The following PSMD12 variants were observed in gnomAD, a reference collection of about 807,000 sequenced individuals.
The protein encoded by PSMD12 is 26S proteasome non-ATPase regulatory subunit 12.
Under a neutral mutation model 62.9 loss-of-function variants are expected in PSMD12, and 8 were observed. That is an observed-to-expected ratio of 0.13 (90% CI 0.07 to 0.23). The LOEUF is 0.23. PSMD12 is among the 10% of genes least tolerant of loss of function. The pLI, the probability that PSMD12 is intolerant of heterozygous loss-of-function variation, is 1.00. For missense variants in PSMD12, 424 were observed against 550.2 expected, an observed-to-expected ratio of 0.77 and a Z score of 2.29; for synonymous variants, 173 against 187.4, an observed-to-expected ratio of 0.92 and a Z score of 0.63.
chr17:67,363,526 ATTC>A (rs1472513290), intron 1 of PSMD12, among the ~76,000 whole-genome samples: 1 of 152,222 alleles, frequency 6.6e-6, no homozygotes, highest in Non-Finnish European at 1.5e-5. Flanking sequence ...AAAGAACACT[ATTC>A]TTTTTACCAG....
rs1347695439 is a variant in PSMD12, at chr17:67,347,326, A to C, written c.660+10T>G. The C allele has an allele frequency of 6.2e-7, 1 of 1,613,424 alleles. No individual in the cohort carries two copies. The highest frequency in any genetic ancestry group is 1.1e-5 in the South Asian group (1 of 91,056). On this transcript the variant is annotated intron_variant, in intron 6 of 10. Coordinates refer to ENST00000356126, the MANE Select transcript of PSMD12 (RefSeq NM_002816.5). ...TTTTAAAGTAAACATGTGGTCACAG[A>C]TATGCTCACCTCTGTATTTTCTTCC...
chr17:67,361,101 G>C (rs765689268), intron 1 of PSMD12: 7 of 152,152 alleles, frequency 4.6e-5, no homozygotes, highest in Non-Finnish European at 7.3e-5. Flanking sequence ...CAACCTGTTA[G>C]AACATGTGAC....
intron 1 of PSMD12, among the ~76,000 whole-genome samples, chr17:67,360,237 G>A (rs762286786): frequency 6.6e-6 from 1 of 152,190 alleles, no homozygotes; most frequent in South Asian, 2.1e-4. Context: ...TATTAGTCAC[G>A]TGACTGTGAT....
chr17:67,348,450 G>T, intron 5 of PSMD12, 100 bp downstream of exon 5: 4 of 937,920 alleles, frequency 4.3e-6, no homozygotes, highest in Non-Finnish European at 6.6e-6. Flanking sequence ...ATAATTATTG[G>T]TCCCAAACAT....
intron 7 of PSMD12, 23 bp from the exon 8 acceptor site, chr17:67,345,880 T>C (rs771324464): frequency 6.4e-7 from 1 of 1,563,604 alleles, no homozygotes; most frequent in East Asian, 2.2e-5. Context: ...TACAACAAGT[T>C]ATATGCAAGA....
In PSMD12 at chr17:67,344,466, C is replaced by T. The variant is rs77034158; in HGVS notation, c.1083+140G>A. On this transcript the variant is annotated intron_variant, in intron 9 of 10. Coordinates refer to ENST00000356126, the MANE Select transcript of PSMD12 (RefSeq NM_002816.5). ...AATATCCTAAGTGAAGAATTAAACACATAACATCCTAAATGAACATTTGGT... is the reference window on the plus strand; with the variant it reads ...AATATCCTAAGTGAAGAATTAAACATATAACATCCTAAATGAACATTTGGT... 8.2e-4 allele frequency: 659 copies of T among 801,166 alleles called. 1 individual carries two copies. The highest frequency in any genetic ancestry group is 1.1e-3 in the Non-Finnish European group (588 of 520,090). 49.6% of individuals were successfully genotyped at this position (801,166 alleles called of 1,614,324 possible). A position where few individuals can be genotyped will look rare whatever the true frequency, so the allele number is the denominator to read the frequency against.
At position 67,366,451 on chromosome 17, in the gene PSMD12, C is replaced by T. The variant is rs200253476; in HGVS notation, c.69G>A (p.Thr23=). 30 of 1,612,438 alleles carry T rather than the reference C, an allele frequency of 1.9e-5. No homozygotes were observed. In the East Asian group the frequency reaches 5.6e-4, roughly 30 times the overall value. The change falls in exon 1 of 11, where the codon ACG becomes ACA. Residue 23 remains threonine (T), a synonymous_variant. Coordinates refer to ENST00000356126, the MANE Select transcript of PSMD12 (RefSeq NM_002816.5). The stretch of plus-strand genomic sequence containing the variant: ...CACACTCGGGTAGGCGCTGATCCAC[C>T]GTGGCGCTGTAGTCCACCTCCATCT... ...IVKMEVDYSA[T]VDQRLPECAK...
intron 3 of PSMD12, among the ~76,000 whole-genome samples, chr17:67,353,104 G>A (rs1017606564): frequency 3.3e-5 from 5 of 152,008 alleles, no homozygotes; most frequent in Non-Finnish European, 5.9e-5. Flanking sequence ...ACATTAATAC[G>A]CTAACAATGC....
chr17:67,346,348 T>C (rs1446086969), intron 7 of PSMD12, among the ~76,000 whole-genome samples: 3 of 150,930 alleles, frequency 2.0e-5, no homozygotes, highest in African/African-American at 4.9e-5. Context: ...TGAGCCGAGA[T>C]TGCGCCACTG....
rs375377795 is a variant in PSMD12, at chr17:67,359,383, T to C, written c.109-1805A>G. On this transcript the variant is annotated intron_variant, in intron 1 of 10. Coordinates refer to ENST00000356126, the MANE Select transcript of PSMD12 (RefSeq NM_002816.5). ...ATAAAAAATTTTTAAAATGCATTTA[T>C]TTAACATGCTAATATTAATAACTAT... 2.0e-5 allele frequency among the ~76,000 whole-genome samples: 3 copies of C among 152,172 alleles called. No homozygotes were observed. The East Asian group carries it at 5.8e-4, about 29-fold the overall frequency.
At chr17:67,356,557 CA>C (rs35353017) in intron 3 of PSMD12, among the ~76,000 whole-genome samples, 788 of 14,800 alleles carry the variant, frequency 0.053, 1 homozygote, top group Non-Finnish European at 0.071. Context: ...GACTCCGTCT[CA>C]AAAAAAAAAA....
At chr17:67,348,721 G>T in intron 4 of PSMD12, 67 bp from the exon 5 acceptor site, 1 of 1,408,868 alleles carries the variant, frequency 7.1e-7, no homozygotes, top group Non-Finnish European at 9.9e-7. Flanking sequence ...AAGTAGGCTG[G>T]GTATGTTGGC....
At chr17:67,359,296 A>G (rs2042107852) in intron 1 of PSMD12, among the ~76,000 whole-genome samples, 1 of 152,228 alleles carries the variant, frequency 6.6e-6, no homozygotes. Context: ...TTGAGGCTGC[A>G]GTGAGCTAGG....
chr17:67,351,833 C>T (rs1488592171), intron 3 of PSMD12, among the ~76,000 whole-genome samples: 3 of 150,890 alleles, frequency 2.0e-5, no homozygotes, highest in South Asian at 2.1e-4. Context: ...GGTACGGTGG[C>T]TCATGCCCGT....
Position 67,347,159 on chromosome 17 carries a change from T to C in PSMD12, c.752A>G (p.Tyr251Cys). 1.2e-6 allele frequency: 2 copies of C among 1,613,456 alleles called. No homozygotes were observed. The highest frequency in any genetic ancestry group is 1.1e-5 in the South Asian group (1 of 91,044). The change falls in exon 7 of 11, where the codon TAT becomes TGT. Residue 251 changes from tyrosine to cysteine, a missense_variant. Coordinates refer to ENST00000356126, the MANE Select transcript of PSMD12 (RefSeq NM_002816.5). The part of the protein sequence containing the change: ...LSICKHYRAI[Y>C]DTPCIQAESE... ...TTCTGCCTGTATACAGGGAGTATCA[T>C]ATATTGCTCTGTAGTGCTTACAAAT... is the stretch of plus-strand genomic sequence containing the variant.
intron 1 of PSMD12, among the ~76,000 whole-genome samples, chr17:67,363,630 T>C (rs1473757302): frequency 6.6e-6 from 1 of 152,214 alleles, no homozygotes; most frequent in African/African-American, 2.4e-5. Context: ...ACGTTCTTCA[T>C]AGTTTGATGG....
chr17:67,341,469 CAAAAAA>C (rs71368819), intron 10 of PSMD12, among the ~76,000 whole-genome samples: 13 of 51,130 alleles, frequency 2.5e-4, no homozygotes, highest in Admixed American at 6.0e-4. Flanking sequence ...GACTCTGCCT[CAAAAAA>C]AAAAAAAAAA....
Position 67,340,550 on chromosome 17 carries a change from AAAAC to A in PSMD12, c.*289_*292del, listed in dbSNP as rs1485723139. 9 of 260,186 alleles carry A rather than the reference AAAAC, an allele frequency of 3.5e-5. No individual in the cohort carries two copies. Among genetic ancestry groups the A allele is most frequent in the African/African-American group, 1.8e-4 (8 of 44,898 alleles). The allele number at this position is 260,186 out of a possible 1,614,324, so 16.1% of individuals were successfully genotyped here. A position where few individuals can be genotyped will look rare whatever the true frequency, so the allele number is the denominator to read the frequency against. Reference sequence around the variant, plus strand: ...TTGGAATATGTTTGTTAGTTGAATGAAAACAAACAGTAGCTAAAAAGGTTTCAAA... The same window carrying A: ...TTGGAATATGTTTGTTAGTTGAATGAAAACAGTAGCTAAAAAGGTTTCAAA... On this transcript the variant is annotated 3_prime_UTR_variant, in exon 11 of 11. Coordinates refer to ENST00000356126, the MANE Select transcript of PSMD12 (RefSeq NM_002816.5).
Position 67,344,826 on chromosome 17 carries a change from G to T in PSMD12, c.909-46C>A, listed in dbSNP as rs781705739. On this transcript the variant is annotated intron_variant, in intron 8 of 10. Transcript: ENST00000356126. ...AATATTCCAAATCTGTAAAAATTAA[G>T]TATTAACTAATATAATAGCAAAGTT... The T allele has an allele frequency of 2.0e-5, 28 of 1,403,682 alleles. No homozygotes were observed. The South Asian group carries it at 4.4e-4, about 22-fold the overall frequency. The allele number at this position is 1,403,682 out of a possible 1,614,324, so 87.0% of individuals were successfully genotyped here.
Sources: gnomAD v4.1 joint callset for allele counts (sites outside exome capture counted in the v4.1 genomes callset) on GRCh38, gnomAD v4.1.1 for gene constraint, MANE v1.5 for transcripts, NCBI Gene and HGNC (gene_info 2026-07-23, HGNC 2026-07-21) for gene names.